Variants in PRKCB observed in about 807,000 individuals in gnomAD.
The protein encoded by PRKCB is protein kinase C beta, also known as protein kinase C beta type.
A neutral mutation model predicts 81.5 loss-of-function variants in PRKCB; 13 were observed. The observed-to-expected ratio is 0.16, with a 90% confidence interval of 0.10 to 0.25. The LOEUF (loss-of-function observed/expected upper bound fraction) is 0.25, where lower values mean the gene tolerates loss of function less well. PRKCB is among the 10% of genes least tolerant of loss of function. The pLI, the probability that PRKCB is intolerant of heterozygous loss-of-function variation, is 1.00. For missense variants in PRKCB, 509 were observed against 875.7 expected, an observed-to-expected ratio of 0.58 and a Z score of 5.29; for synonymous variants, 335 against 321.4, an observed-to-expected ratio of 1.04 and a Z score of -0.45.
chr16:24,163,579 G>A (rs1422259043), intron 10 of PRKCB, among the ~76,000 whole-genome samples: 8 of 152,214 alleles, frequency 5.3e-5, no homozygotes, highest in Non-Finnish European at 1.2e-4. Flanking sequence ...GCCTCTATGT[G>A]GAGGGACAAG....
chr16:24,123,542 A>G (rs1183804198), intron 8 of PRKCB, among the ~76,000 whole-genome samples: 1 of 152,130 alleles, frequency 6.6e-6, no homozygotes, highest in Non-Finnish European at 1.5e-5. Flanking sequence ...CAGGTGAGAG[A>G]TGATGGCAGG....
chr16:23,878,621 G>A (rs1357619014), intron 2 of PRKCB, among the ~76,000 whole-genome samples: 1 of 152,194 alleles, frequency 6.6e-6, no homozygotes, highest in Non-Finnish European at 1.5e-5. Context: ...GGGAACACAT[G>A]TTGGCTGACT....
chr16:23,930,676 C>G, intron 2 of PRKCB, among the ~76,000 whole-genome samples: 1 of 152,126 alleles, frequency 6.6e-6, no homozygotes, highest in Admixed American at 6.5e-5. Context: ...TAGATTTCTT[C>G]CTTCTAACGT....
chr16:23,869,990 C>G (rs1265077340), intron 2 of PRKCB, among the ~76,000 whole-genome samples: 2 of 149,986 alleles, frequency 1.3e-5, no homozygotes, highest in Non-Finnish European at 2.9e-5. Context: ...CCATTGCACT[C>G]TAGCCTGGGC....
At position 24,218,335 on chromosome 16, in the gene PRKCB, G is replaced by T; in HGVS notation, c.*3519G>T. The T allele has an allele frequency of 1.0e-6, 1 of 985,282 alleles. No individual in the cohort carries two copies. The highest frequency in any genetic ancestry group is 1.7e-5 in the African/African-American group (1 of 57,286). 61.0% of individuals were successfully genotyped at this position (985,282 alleles called of 1,614,324 possible). On this transcript the variant is annotated 3_prime_UTR_variant, in exon 17 of 17. Transcript: ENST00000643927. ...ACCGGAAGTAACATGCCGAGCGCCT[G>T]GGGGATGGAAACTCCTATAGCACCC...
rs566003146 is a variant in PRKCB, at chr16:23,875,812, T to C, written c.205+38406T>C. ...ATCACACATATATGTGTGTATATCATATATATATATGCATGACCCATATTT... is the reference window on the plus strand; with the variant it reads ...ATCACACATATATGTGTGTATATCACATATATATATGCATGACCCATATTT... On this transcript the variant is annotated intron_variant, in intron 2 of 16. Transcript: ENST00000643927. 3.8e-4 allele frequency among the ~76,000 whole-genome samples: 56 copies of C among 147,382 alleles called. 7 individuals carry two copies. The highest frequency in any genetic ancestry group is 3.8e-3 in the South Asian group (18 of 4,774).
chr16:24,131,704 A>T (rs1305406398), intron 9 of PRKCB, among the ~76,000 whole-genome samples: 1 of 152,206 alleles, frequency 6.6e-6, no homozygotes, highest in Non-Finnish European at 1.5e-5. Context: ...TACCAGTTAT[A>T]CATTTATTTT....
Position 23,900,371 on chromosome 16 carries a change from C to T in PRKCB, c.205+62965C>T, listed in dbSNP as rs532727582. ...ATAAAGGGATAAAACCTTTATCTTCCTTTCCTAGGTATTTTTACCTCTGTA... is the reference window on the plus strand; with the variant it reads ...ATAAAGGGATAAAACCTTTATCTTCTTTTCCTAGGTATTTTTACCTCTGTA... On this transcript the variant is annotated intron_variant, in intron 2 of 16. Coordinates refer to ENST00000643927, the MANE Select transcript of PRKCB (RefSeq NM_002738.7). Among the ~76,000 whole-genome samples, 7 of 152,082 alleles carry T rather than the reference C, an allele frequency of 4.6e-5. No homozygotes were observed. In the East Asian group the frequency reaches 1.4e-3, roughly 29 times the overall value.
chr16:23,933,837 T>G (rs1210566186), intron 2 of PRKCB, among the ~76,000 whole-genome samples: 3 of 121,560 alleles, frequency 2.5e-5, no homozygotes, highest in Non-Finnish European at 4.9e-5. Context: ...GTTTGTCGAT[T>G]TTCTATTCAT....
At chr16:24,017,494 GCAGGCACACA>G (rs2141841853) in intron 3 of PRKCB, among the ~76,000 whole-genome samples, 1 of 150,530 alleles carries the variant, frequency 6.6e-6, no homozygotes, top group South Asian at 2.1e-4. Flanking sequence ...TATTAAACAC[GCAGGCACACA>G]CACACACACA....
At chr16:24,163,860 C>G (rs1967302091) in intron 10 of PRKCB, among the ~76,000 whole-genome samples, 1 of 152,198 alleles carries the variant, frequency 6.6e-6, no homozygotes, top group African/African-American at 2.4e-5. Flanking sequence ...GACCCAAAGT[C>G]TCAGAGCAAG....
intron 9 of PRKCB, among the ~76,000 whole-genome samples, chr16:24,140,620 G>A (rs895286383): frequency 1.3e-4 from 20 of 152,216 alleles, no homozygotes; most frequent in Admixed American, 3.3e-4. Flanking sequence ...GGGTGGGGTC[G>A]CAGGACTGGC....
In PRKCB at chr16:23,916,923, C is replaced by T. The variant is rs917205588; in HGVS notation, c.206-71585C>T. On this transcript the variant is annotated intron_variant, in intron 2 of 16. Coordinates refer to ENST00000643927, the MANE Select transcript of PRKCB (RefSeq NM_002738.7). Reference sequence around the variant, plus strand: ...TACAGGCACACACCACCATGACTGGCTGATTTTTGTATTTTTTTTTTTCAT... The same window carrying T: ...TACAGGCACACACCACCATGACTGGTTGATTTTTGTATTTTTTTTTTTCAT... Among the ~76,000 whole-genome samples the T allele has an allele frequency of 3.8e-5, 3 of 79,766 alleles. No individual in the cohort carries two copies. The East Asian group carries it at 1.2e-3, about 33-fold the overall frequency. 52.3% of individuals were successfully genotyped at this position (79,766 alleles called of 152,430 possible).
chr16:24,001,110 C>T (rs1192280192), intron 3 of PRKCB, among the ~76,000 whole-genome samples: 4 of 152,020 alleles, frequency 2.6e-5, no homozygotes, highest in African/African-American at 9.7e-5. Context: ...CTGGAGGAGC[C>T]TCTCCTGCTC....
At chr16:24,131,637 TTTC>T (rs1966853524) in intron 9 of PRKCB, among the ~76,000 whole-genome samples, 1 of 152,238 alleles carries the variant, frequency 6.6e-6, no homozygotes. Flanking sequence ...TTGACTTCCT[TTTC>T]TTCTTCTTAA....
chr16:23,871,866 T>C (rs1962910922), intron 2 of PRKCB, among the ~76,000 whole-genome samples: 2 of 20,230 alleles, frequency 9.9e-5, no homozygotes, highest in Admixed American at 7.0e-4. Context: ...AGGTTTTTTT[T>C]TTTTTTTTTT....
chr16:24,103,892 G>T (rs928564604), intron 7 of PRKCB, among the ~76,000 whole-genome samples: 2 of 152,108 alleles, frequency 1.3e-5, no homozygotes, highest in African/African-American at 2.4e-5. Context: ...CATAGCCTCC[G>T]CCTTCCGGGT....
At chr16:24,002,194 G>A (rs541974472) in intron 3 of PRKCB, among the ~76,000 whole-genome samples, 121 of 152,156 alleles carry the variant, frequency 8.0e-4, no homozygotes, top group African/African-American at 2.8e-3. Flanking sequence ...GCAGGCTGTC[G>A]ATCTGGGCAT....
intron 5 of PRKCB, among the ~76,000 whole-genome samples, chr16:24,074,123 A>G (rs568580122): frequency 4.0e-5 from 6 of 151,898 alleles, no homozygotes; most frequent in African/African-American, 1.2e-4. Context: ...TGACAGAGCA[A>G]GACTCCATCT....
Sources: allele counts gnomAD v4.1 joint callset (sites outside exome capture counted in the v4.1 genomes callset), GRCh38; gene constraint gnomAD v4.1.1; transcripts MANE v1.5; gene names NCBI Gene and HGNC (gene_info 2026-07-23, HGNC 2026-07-21).